Variants in HSCB observed in about 807,000 individuals in gnomAD.
The protein encoded by HSCB is iron-sulfur cluster co-chaperone protein HscB.
A neutral mutation model predicts 31.3 loss-of-function variants in HSCB; 23 were observed. That is an observed-to-expected ratio of 0.74 (90% confidence interval 0.53 to 1.04). HSCB has a LOEUF of 1.04. HSCB is among the 50% of genes least tolerant of loss of function. The pLI is 0.00. For synonymous variants in HSCB, 110 were observed against 104.5 expected (o/e 1.05, Z -0.32); for missense variants, 297 against 288.1 (o/e 1.03, Z -0.22).
At chr22:28,753,985 T>C (rs1037197612) in intron 5 of HSCB, among the ~76,000 whole-genome samples, 1 of 147,952 alleles carries the variant, frequency 6.8e-6, no homozygotes, top group Admixed American at 6.7e-5. Context: ...TCTGAAAAAT[T>C]AGCTGGGTGT....
intron 5 of HSCB, among the ~76,000 whole-genome samples, chr22:28,755,643 T>A (rs2030555384): frequency 1.3e-5 from 2 of 152,182 alleles, no homozygotes; most frequent in Admixed American, 1.3e-4. Flanking sequence ...CTTCTGTGAC[T>A]TTTTTGCTTA....
rs922832637 is a variant in HSCB at position 28,742,441 on chromosome 22, G to T, written c.236+110G>T. 8 of 1,485,972 alleles carry T rather than the reference G, an allele frequency of 5.4e-6. No homozygotes were observed. The African/African-American group carries it at 7.0e-5, about 13-fold the overall frequency. The allele number at this position is 1,485,972 out of a possible 1,614,324, so 92.0% of individuals were successfully genotyped here. On this transcript the variant is annotated intron_variant, in intron 1 of 5. Coordinates refer to ENST00000216027, the MANE Select transcript of HSCB (RefSeq NM_172002.5). ...GCGGAAGAGAAGGCGGGACTGATGG[G>T]GGGGCGGAGGTCTAGAGAGCAGGCG...
At chr22:28,746,660 G>A (rs1475666017) in intron 4 of HSCB, among the ~76,000 whole-genome samples, 2 of 152,110 alleles carry the variant, frequency 1.3e-5, no homozygotes, top group African/African-American at 2.4e-5. Flanking sequence ...AGCACTTTGG[G>A]AGGCCAAGGC....
At chr22:28,755,462 C>G (rs2030543288) in intron 5 of HSCB, among the ~76,000 whole-genome samples, 1 of 152,020 alleles carries the variant, frequency 6.6e-6, no homozygotes, top group African/African-American at 2.4e-5. Context: ...ACGACCAAGG[C>G]CTTCCAAGTC....
chr22:28,752,650 C>T (rs1414729129), intron 5 of HSCB, among the ~76,000 whole-genome samples: 2 of 146,876 alleles, frequency 1.4e-5, no homozygotes, highest in Admixed American at 6.9e-5. Flanking sequence ...AGGAGAATGG[C>T]GTGAACCCGG....
chr22:28,753,239 C>T (rs1206902577), intron 5 of HSCB, among the ~76,000 whole-genome samples: 1 of 151,692 alleles, frequency 6.6e-6, no homozygotes, highest in Non-Finnish European at 1.5e-5. Context: ...ATAAAAGCAA[C>T]ATTAGACCGG....
intron 4 of HSCB, among the ~76,000 whole-genome samples, chr22:28,748,709 G>T (rs2030002738): frequency 6.6e-6 from 1 of 151,880 alleles, no homozygotes; most frequent in South Asian, 2.1e-4. Flanking sequence ...TAGTGACGGG[G>T]TTTTACCATG....
At chr22:28,755,447 G>T (rs2030542426) in intron 5 of HSCB, among the ~76,000 whole-genome samples, 2 of 151,922 alleles carry the variant, frequency 1.3e-5, no homozygotes, top group Admixed American at 1.3e-4. Context: ...ATTGAGAAAT[G>T]AAATACGACC....
chr22:28,755,508 C>G (rs920152599), intron 5 of HSCB, among the ~76,000 whole-genome samples: 4 of 152,164 alleles, frequency 2.6e-5, no homozygotes, highest in Non-Finnish European at 4.4e-5. Flanking sequence ...CTCCCTTCCA[C>G]AGTAACCACT....
Position 28,742,325 on chromosome 22 carries a change from T to G in HSCB, c.230T>G (p.Met77Arg). 6.2e-7 allele frequency: 1 copy of G among 1,612,104 alleles called. No homozygotes were observed. The highest frequency in any genetic ancestry group is 8.5e-7 in the Non-Finnish European group (1 of 1,178,476). Residue 77 changes from methionine (M) to arginine (R), a missense_variant, in exon 1 of 6, where the codon ATG (methionine) becomes AGG (arginine). Physicochemically the swap from Met to Arg is moderately conservative, Grantham distance 91. Coordinates refer to ENST00000216027, the MANE Select transcript of HSCB (RefSeq NM_172002.5). ...CCCACTCGAGACTACTTCAGCCTTA[T>G]GGACTGGTACGAGCGACGGTTTCGG... ...PDPTRDYFSL[M>R]DCNRSFRVDT...
intron 2 of HSCB, 30 bp from the exon 3 acceptor site, chr22:28,744,585 T>A (rs1414294895): frequency 1.4e-6 from 2 of 1,465,722 alleles, no homozygotes; most frequent in Non-Finnish European, 1.9e-6. Context: ...ATTTGGATGG[T>A]AATAGTACTA....
In HSCB at chr22:28,751,282, G is replaced by A. The variant is rs1260549068; in HGVS notation, c.610G>A (p.Glu204Lys). Residue 204 changes from glutamate to lysine, a missense_variant, in exon 5 of 6, where the codon GAA becomes AAA. Transcript: ENST00000216027. ...TACTGACAATGTGAGCAGTGCTTTTGAACAAGGTACTTTCTTTTCTTCACT... is the reference window on the plus strand; with the variant it reads ...TACTGACAATGTGAGCAGTGCTTTTAAACAAGGTACTTTCTTTTCTTCACT... ...EFTDNVSSAF[E>K]QDDFEEAKEI... 3 of 1,592,438 alleles carry A rather than the reference G, an allele frequency of 1.9e-6. No individual in the cohort carries two copies. The African/African-American group carries it at 4.0e-5, about 21-fold the overall frequency.
intron 4 of HSCB, among the ~76,000 whole-genome samples, chr22:28,746,427 T>C (rs1023065189): frequency 2.7e-5 from 4 of 145,854 alleles, no homozygotes; most frequent in African/African-American, 1.0e-4. Context: ...AGGAATTAGC[T>C]CACATAATTG....
At chr22:28,751,167 C>G in intron 4 of HSCB, 74 bp from the exon 5 acceptor site, 1 of 902,120 alleles carries the variant, frequency 1.1e-6, no homozygotes, top group Non-Finnish European at 1.8e-6. Context: ...AGCATGATTA[C>G]AAAGTTTAAG....
rs1299620543 is a variant in HSCB, at chr22:28,742,114, G to C, written c.19G>C (p.Gly7Arg). The change falls in exon 1 of 6, where the codon GGG becomes CGG. Residue 7 changes from glycine to arginine, a missense_variant. By Grantham distance (125) the Gly-to-Arg change is moderately radical. Transcript: ENST00000216027. ...CGGCCAGATGTGGCGGGGGAGAGCCGGGGCTTTGCTCCGGGTGTGGGGGTT... is the reference window on the plus strand; with the variant it reads ...CGGCCAGATGTGGCGGGGGAGAGCCCGGGCTTTGCTCCGGGTGTGGGGGTT... MWRGRA[G>R]ALLRVWGFWP... 1 of 1,599,078 alleles carries C rather than the reference G, an allele frequency of 6.3e-7. No individual in the cohort carries two copies. The highest frequency in any genetic ancestry group is 8.5e-7 in the Non-Finnish European group (1 of 1,173,170).
intron 4 of HSCB, among the ~76,000 whole-genome samples, chr22:28,750,943 G>GTTTTTTTTTTT (rs1202821377): frequency 4.8e-5 from 3 of 62,048 alleles, no homozygotes; most frequent in East Asian, 1.1e-3. Flanking sequence ...GTATATCTTT[G>GTTTTTTTTTTT]TCTTTTTTTT....
Position 28,751,528 on chromosome 22 carries a change from A to G in HSCB, c.616+240A>G, listed in dbSNP as rs546122067. Among the ~76,000 whole-genome samples the G allele has an allele frequency of 2.0e-5, 3 of 152,292 alleles. No individual in the cohort carries two copies. In the East Asian group the frequency reaches 5.8e-4, roughly 29 times the overall value. On this transcript the variant is annotated intron_variant, in intron 5 of 5. Coordinates refer to ENST00000216027, the MANE Select transcript of HSCB (RefSeq NM_172002.5). Reference sequence around the variant, plus strand: ...ACTGGGAGGCTAAGGCGGGCGGATCACGAAGTCAGGAGATTGAGACCATCC... The same window carrying G: ...ACTGGGAGGCTAAGGCGGGCGGATCGCGAAGTCAGGAGATTGAGACCATCC...
At chr22:28,752,174 T>C (rs1221142513) in intron 5 of HSCB, among the ~76,000 whole-genome samples, 2 of 151,888 alleles carry the variant, frequency 1.3e-5, no homozygotes, top group Admixed American at 6.6e-5. Context: ...CTGGGCGCGG[T>C]GGCTCACACT....
chr22:28,753,785 T>G (rs1421791111), intron 5 of HSCB, among the ~76,000 whole-genome samples: 2 of 138,058 alleles, frequency 1.4e-5, no homozygotes, highest in African/African-American at 5.5e-5. Flanking sequence ...TTGCAGTGAG[T>G]GGAGACCACC....
Sources: gnomAD v4.1 joint callset for allele counts (sites outside exome capture counted in the v4.1 genomes callset) on GRCh38, gnomAD v4.1.1 for gene constraint, MANE v1.5 for transcripts, NCBI Gene and HGNC (gene_info 2026-07-23, HGNC 2026-07-21) for gene names.